The following HIF3A variants were observed in gnomAD, a reference collection of about 807,000 sequenced individuals.
The protein encoded by HIF3A is hypoxia-inducible factor 3-alpha.
In HIF3A, 41 loss-of-function variants were observed where a neutral mutation model predicts 67.2. The observed-to-expected ratio is 0.61, with a 90% confidence interval of 0.48 to 0.79. The LOEUF is 0.79. Among genes scored for constraint, HIF3A ranks in the 30% least tolerant of loss-of-function variants. The pLI, the probability that HIF3A is intolerant of heterozygous loss-of-function variation, is 0.00. For missense variants in HIF3A, 855 were observed against 898.0 expected (o/e 0.95, Z 0.61); for synonymous variants, 356 against 374.8 (o/e 0.95, Z 0.58).
chr19:46,334,463 AC>A (rs575950412), intron 13 of HIF3A, among the ~76,000 whole-genome samples: 145 of 152,092 alleles, frequency 9.5e-4, no homozygotes, highest in Middle Eastern at 3.4e-3. Flanking sequence ...CAAACTCCTG[AC>A]CTCAGGTGAT....
intron 8 of HIF3A, among the ~76,000 whole-genome samples, chr19:46,313,768 C>T (rs1969683334): frequency 1.3e-5 from 2 of 150,042 alleles, no homozygotes; most frequent in South Asian, 2.1e-4. Flanking sequence ...CAGGTTCAAG[C>T]GATTCTCCTG....
At chr19:46,317,819 T>C (rs1970035906) in intron 8 of HIF3A, among the ~76,000 whole-genome samples, 1 of 152,092 alleles carries the variant, frequency 6.6e-6, no homozygotes, top group African/African-American at 2.4e-5. Context: ...ATTTTCTCTG[T>C]AGTACTTACC....
chr19:46,303,272 GA>G (rs1191318238), intron 1 of HIF3A, among the ~76,000 whole-genome samples: 1 of 152,264 alleles, frequency 6.6e-6, no homozygotes, highest in Non-Finnish European at 1.5e-5. Context: ...GTAGGTATCT[GA>G]AGTGGATTAC....
Position 46,324,985 on chromosome 19 carries a change from TTG to T in HIF3A, c.1336-521_1336-520del, listed in dbSNP as rs542186240. Reference sequence around the variant, plus strand: ...ACATACACACACACACACACATATATTGTGTGTGTGTGTGTGTGTGTGTGTGT... The same window carrying T: ...ACATACACACACACACACACATATATTGTGTGTGTGTGTGTGTGTGTGTGT... On this transcript the variant is annotated intron_variant, in intron 10 of 14. Transcript: ENST00000377670. Among the ~76,000 whole-genome samples, 894 of 127,736 alleles carry T rather than the reference TTG, an allele frequency of 7.0e-3. 11 individuals carry two copies. Among genetic ancestry groups the T allele is most frequent in the African/African-American group, 0.012 (408 of 33,836 alleles). The allele number at this position is 127,736 out of a possible 152,430, so 83.8% of individuals were successfully genotyped here. A position where few individuals can be genotyped will look rare whatever the true frequency, so the allele number is the denominator to read the frequency against.
Position 46,297,146 on chromosome 19 carries a change from T to G in HIF3A, c.26+44T>G. Reference sequence around the variant, plus strand: ...AGGAGTTCTGGGAATTGGGGGGCTCTCCTCCTGGAGACCCCTGAGCTGGAT... The same window carrying G: ...AGGAGTTCTGGGAATTGGGGGGCTCGCCTCCTGGAGACCCCTGAGCTGGAT... On this transcript the variant is annotated intron_variant, in intron 1 of 14. Coordinates refer to ENST00000377670, the MANE Select transcript of HIF3A (RefSeq NM_152795.4). This position sits in a 1 kb window ranked among gnomAD's most constrained non-coding sequence, Gnocchi z 4.5. The G allele has an allele frequency of 2.1e-5, 8 of 383,306 alleles. No homozygotes were observed. The highest frequency in any genetic ancestry group is 7.3e-5 in the South Asian group (1 of 13,694). The allele number at this position is 383,306 out of a possible 1,614,324, so 23.7% of individuals were successfully genotyped here. A position where few individuals can be genotyped will look rare whatever the true frequency, so the allele number is the denominator to read the frequency against.
intron 5 of HIF3A, 51 bp from the exon 6 acceptor site, chr19:46,309,100 G>T: frequency 6.7e-7 from 1 of 1,495,512 alleles, no homozygotes; most frequent in Non-Finnish European, 9.2e-7. Context: ...CCCCATGGGT[G>T]GTCTCAGGCC....
In HIF3A at chr19:46,315,993, G is replaced by A. The variant is rs183759970; in HGVS notation, c.1025+3340G>A. 8.5e-5 allele frequency among the ~76,000 whole-genome samples: 13 copies of A among 152,258 alleles called. No individual in the cohort carries two copies. In the East Asian group the frequency reaches 2.3e-3, roughly 27 times the overall value. ...TGCCTGTAATCCCAGCACTTTGGGA[G>A]TCCAAGGTGGGTGGATCACCTGAGG... On this transcript the variant is annotated intron_variant, in intron 8 of 14. Coordinates refer to ENST00000377670, the MANE Select transcript of HIF3A (RefSeq NM_152795.4).
chr19:46,312,712 G>GATGTGTGT, intron 8 of HIF3A, 59 bp downstream of exon 8: 1 of 1,432,712 alleles, frequency 7.0e-7, no homozygotes, highest in Non-Finnish European at 9.2e-7. Context: ...TGTGTGGACA[G>GATGTGTGT]GTGTGTGTGT....
At chr19:46,325,677 G>A (rs1184910598) in intron 11 of HIF3A, 38 bp downstream of exon 11, 1 of 1,360,874 alleles carries the variant, frequency 7.3e-7, no homozygotes, top group Admixed American at 1.7e-5. Context: ...CCTCAGCCCT[G>A]TGTTCTGGGG....
rs1186338358 is a variant in HIF3A, at chr19:46,297,084, TG to T, written c.12del (p.Leu5CysfsTer86). 4.0e-6 allele frequency: 5 copies of T among 1,256,256 alleles called. No individual in the cohort carries two copies. The highest frequency in any genetic ancestry group is 4.0e-6 in the Non-Finnish European group (4 of 989,734). 77.8% of individuals were successfully genotyped at this position (1,256,256 alleles called of 1,614,324 possible). ...AGCGGCGACTGGCGAGCCATGGCGC[TG>T]GGGCTGCAGCGCGCAAGGTACTGAA... is the stretch of plus-strand genomic sequence containing the variant. The part of the protein sequence containing the change: MA[L>X]GLQRARSTTE... On this transcript the variant is annotated frameshift_variant, in exon 1 of 15. Coordinates refer to ENST00000377670, the MANE Select transcript of HIF3A (RefSeq NM_152795.4). LOFTEE classifies it high-confidence loss of function. The surrounding 1 kb of genome is among the most constrained non-coding windows in gnomAD (Gnocchi z 4.5).
chr19:46,318,939 T>A (rs1388050575), intron 8 of HIF3A, among the ~76,000 whole-genome samples: 1 of 152,154 alleles, frequency 6.6e-6, no homozygotes, highest in African/African-American at 2.4e-5. Context: ...ACAATACATT[T>A]TATTTTCATA....
intron 1 of HIF3A, among the ~76,000 whole-genome samples, chr19:46,299,649 G>A (rs1020256690): frequency 7.1e-6 from 1 of 140,578 alleles, no homozygotes; most frequent in African/African-American, 2.6e-5. Context: ...GGCAGAGGTT[G>A]TAATGAGCCA....
At chr19:46,302,029 A>G (rs929556051) in intron 1 of HIF3A, among the ~76,000 whole-genome samples, 9 of 152,076 alleles carry the variant, frequency 5.9e-5, no homozygotes, top group Non-Finnish European at 1.3e-4. Context: ...TATACCATAT[A>G]CTACACTAGA....
At position 46,297,652 on chromosome 19, in the gene HIF3A, C is replaced by T. The variant is rs575394746; in HGVS notation, c.26+550C>T. On this transcript the variant is annotated intron_variant, in intron 1 of 14. Transcript: ENST00000377670. The surrounding 1 kb of genome is among the most constrained non-coding windows in gnomAD (Gnocchi z 4.5). ...TCCTCTAATAGTATGCTTCCTGACA[C>T]AGTCTCCTAAACATTGGGTTTCCCT... Among the ~76,000 whole-genome samples the T allele has an allele frequency of 2.6e-5, 4 of 152,068 alleles. No homozygotes were observed. The highest frequency in any genetic ancestry group is 2.0e-4 in the Admixed American group (3 of 15,286).
intron 10 of HIF3A, among the ~76,000 whole-genome samples, chr19:46,322,685 C>T (rs1041542268): frequency 6.6e-6 from 1 of 152,276 alleles, no homozygotes; most frequent in Admixed American, 6.5e-5. Context: ...AAGTGATCTT[C>T]CGGCCTCGGC....
chr19:46,325,725 G>C, intron 11 of HIF3A, 86 bp downstream of exon 11: 1 of 872,436 alleles, frequency 1.1e-6, no homozygotes. Context: ...TAGTGGGATG[G>C]TTAAAGGAAT....
intron 13 of HIF3A, 90 bp from the exon 14 acceptor site, chr19:46,334,815 G>A (rs543636471): frequency 4.4e-5 from 48 of 1,081,396 alleles, no homozygotes; most frequent in Non-Finnish European, 6.3e-5. Flanking sequence ...CTCAGCCCCC[G>A]AAAGTGCTGG....
Position 46,331,237 on chromosome 19 carries a change from A to G in HIF3A, c.1794A>G (p.Pro598=). The change falls in exon 13 of 15, where the codon CCA becomes CCG. Residue 598 remains proline, a synonymous_variant. Coordinates refer to ENST00000377670, the MANE Select transcript of HIF3A (RefSeq NM_152795.4). ...GACCTCCCAAAAGGTCCCCCAGCCC[A>G]GAACACGAAAACTTTCTGCTCTTTC... ...GVRPPKRSPS[P]EHENFLLFPL... is the part of the protein sequence containing the mutation. The G allele has an allele frequency of 6.2e-7, 1 of 1,614,112 alleles. No individual in the cohort carries two copies.
Position 46,338,459 on chromosome 19 carries a change from T to C in HIF3A, c.1913-1066T>C, listed in dbSNP as rs909551705. The C allele has an allele frequency of 1.3e-5, 14 of 1,054,692 alleles. No homozygotes were observed. In the Admixed American group the frequency reaches 4.9e-4, roughly 37 times the overall value. The allele number at this position is 1,054,692 out of a possible 1,614,324, so 65.3% of individuals were successfully genotyped here. A position where few individuals can be genotyped will look rare whatever the true frequency, so the allele number is the denominator to read the frequency against. ...TTCAAGCGATCCACCTGCCTTGGCC[T>C]CCCAAAGTGCTGGGATTACTGGTAT... On this transcript the variant is annotated intron_variant, in intron 14 of 14. Coordinates refer to ENST00000377670, the MANE Select transcript of HIF3A (RefSeq NM_152795.4).
Sources: allele counts gnomAD v4.1 joint callset (sites outside exome capture counted in the v4.1 genomes callset), GRCh38; gene constraint gnomAD v4.1.1; non-coding constraint Gnocchi (gnomAD v3.1); transcripts MANE v1.5; gene names NCBI Gene and HGNC (gene_info 2026-07-23, HGNC 2026-07-21).